ARHGEF26: variants seen among roughly 807,000 people sequenced by gnomAD.
ARHGEF26 encodes Rho guanine nucleotide exchange factor (GEF) 26.
ARHGEF26 carries 59 observed loss-of-function variants against 89.4 expected under a neutral mutation model. That is an observed-to-expected ratio of 0.66 (90% CI 0.54 to 0.82). The LOEUF is 0.82. Among genes scored for constraint, ARHGEF26 ranks in the 40% least tolerant of loss-of-function variants. The probability of loss-of-function intolerance (pLI) is 0.00; values close to 1 mark genes in which losing one functional copy is unlikely to be tolerated. For missense variants in ARHGEF26, 1,234 were observed against 1,085.6 expected (o/e 1.14, Z -1.92); for synonymous variants, 500 against 428.4 (o/e 1.17, Z -2.06).
chr3:154,241,233 G>GT (rs1330985875), intron 12 of ARHGEF26, among the ~76,000 whole-genome samples: 19 of 151,890 alleles, frequency 1.3e-4, no homozygotes, highest in Non-Finnish European at 8.8e-5. Context: ...ACTGACCAAT[G>GT]TTTTTGTTTA....
chr3:154,240,380 T>C lies in ARHGEF26; in HGVS notation c.2101T>C (p.Tyr701His). Reference protein sequence around the residue: ...IITKKKSEESYNVNDYSLRDQ... With the variant: ...IITKKKSEESHNVNDYSLRDQ... Reference sequence around the variant, plus strand: ...CCCTTTCCTTTACAGTGAAGAAAGTTACAACGTCAATGATTATTCCTTAAG... The same window carrying C: ...CCCTTTCCTTTACAGTGAAGAAAGTCACAACGTCAATGATTATTCCTTAAG... The change falls in exon 12 of 15, where the codon TAC (tyrosine) becomes CAC (histidine). Residue 701 changes from tyrosine (Y) to histidine (H), a missense_variant. Coordinates refer to ENST00000465093, the MANE Select transcript of ARHGEF26 (RefSeq NM_015595.4). 1 of 1,605,396 alleles carries C rather than the reference T, an allele frequency of 6.2e-7. No individual in the cohort carries two copies.
chr3:154,186,134 TAGAC>T (rs1252604256), intron 6 of ARHGEF26, among the ~76,000 whole-genome samples: 1 of 26,884 alleles, frequency 3.7e-5, no homozygotes, highest in Non-Finnish European at 7.0e-5. Context: ...TACACACACT[TAGAC>T]ACACACACAC....
At chr3:154,254,345 CAGG>C (rs1291621804) in intron 13 of ARHGEF26, among the ~76,000 whole-genome samples, 2 of 152,178 alleles carry the variant, frequency 1.3e-5, no homozygotes, top group Non-Finnish European at 2.9e-5. Context: ...TGATGAGAGC[CAGG>C]AGAACTGTGT....
intron 4 of ARHGEF26, among the ~76,000 whole-genome samples, chr3:154,146,528 A>T (rs114114208): frequency 0.022 from 3,324 of 152,322 alleles, 103 homozygotes; most frequent in African/African-American, 0.076. Flanking sequence ...TAGAAGAAAT[A>T]TCTTGTAGTG....
chr3:154,174,199 C>T (rs1157975725), intron 6 of ARHGEF26, among the ~76,000 whole-genome samples: 8 of 152,150 alleles, frequency 5.3e-5, no homozygotes, highest in East Asian at 1.9e-4. Context: ...GTGAGTACAG[C>T]GCCAGTCATT....
At chr3:154,187,178 C>T in intron 6 of ARHGEF26, 2 of 981,136 alleles carry the variant, frequency 2.0e-6, no homozygotes, top group South Asian at 9.4e-5. Context: ...ATGTGAGCCA[C>T]CACACCTCCT....
chr3:154,190,268 T>C (rs146981881), intron 7 of ARHGEF26, among the ~76,000 whole-genome samples: 1,719 of 152,198 alleles, frequency 0.011, 27 homozygotes, highest in African/African-American at 0.039. Flanking sequence ...TCCCACCACT[T>C]TGGGAGGCCG....
At position 154,149,423 on chromosome 3, in the gene ARHGEF26, A is replaced by G; in HGVS notation, c.1304A>G (p.Gln435Arg). 1.2e-6 allele frequency: 2 copies of G among 1,608,866 alleles called. No individual in the cohort carries two copies. The highest frequency in any genetic ancestry group is 1.7e-6 in the Non-Finnish European group (2 of 1,177,358). The change falls in exon 5 of 15, where the codon CAG becomes CGG. Residue 435 changes from glutamine to arginine, a missense_variant. Transcript: ENST00000465093. ...KRKGLSQTVS[Q>R]EERKRQEAIF... ...AAGGGATTATCTCAGACAGTAAGCC[A>G]GGAGGAAAGAAAGAGACAAGAGGTA...
intron 6 of ARHGEF26, chr3:154,187,213 T>C (rs915909010): frequency 2.0e-6 from 2 of 984,422 alleles, no homozygotes; most frequent in South Asian, 4.7e-5. Flanking sequence ...TTTTTAAGCA[T>C]TTATTTAGGT....
chr3:154,166,588 T>C (rs1712055686), intron 6 of ARHGEF26, among the ~76,000 whole-genome samples: 1 of 152,188 alleles, frequency 6.6e-6, no homozygotes, highest in African/African-American at 2.4e-5. Context: ...GTGTATGTAT[T>C]TGAGCAAGGC....
intron 13 of ARHGEF26, among the ~76,000 whole-genome samples, chr3:154,254,249 T>TTC (rs1718339594): frequency 6.6e-6 from 1 of 152,236 alleles, no homozygotes; most frequent in South Asian, 2.1e-4. Flanking sequence ...CTAACATGAC[T>TTC]TCTCAGCTTT....
chr3:154,157,425 G>A (rs1293972237), intron 6 of ARHGEF26, among the ~76,000 whole-genome samples: 2 of 152,142 alleles, frequency 1.3e-5, no homozygotes, highest in Non-Finnish European at 2.9e-5. Context: ...GCAGATGTTC[G>A]TGAAGGCCAT....
intron 5 of ARHGEF26, among the ~76,000 whole-genome samples, chr3:154,149,771 A>C (rs1355975362): frequency 6.6e-6 from 1 of 152,104 alleles, no homozygotes. Flanking sequence ...TTATGGAAAA[A>C]CTGATAGTCA....
intron 11 of ARHGEF26, among the ~76,000 whole-genome samples, chr3:154,236,622 T>C (rs905721270): frequency 6.6e-6 from 1 of 152,060 alleles, no homozygotes; most frequent in Non-Finnish European, 1.5e-5. Flanking sequence ...AGGAAGGGGG[T>C]TTCTTTCCCA....
chr3:154,187,852 A>T lies in ARHGEF26; in HGVS notation c.1640+15A>T. The T allele has an allele frequency of 1.9e-6, 3 of 1,601,948 alleles. No individual in the cohort carries two copies. Among genetic ancestry groups the T allele is most frequent in the Non-Finnish European group, 2.6e-6 (3 of 1,173,242 alleles). ...CAAAAATTGTTGTAAGCAATGTCGA[A>T]TGCTACAGTTTTAATCATCTAACCT... On this transcript the variant is annotated intron_variant, in intron 7 of 14. Transcript: ENST00000465093.
At chr3:154,206,206 A>G (rs1715010398) in intron 9 of ARHGEF26, among the ~76,000 whole-genome samples, 1 of 152,162 alleles carries the variant, frequency 6.6e-6, no homozygotes, top group African/African-American at 2.4e-5. Flanking sequence ...GAAATATGTC[A>G]TGCCCCTCTC....
intron 9 of ARHGEF26, among the ~76,000 whole-genome samples, chr3:154,207,451 A>G (rs1316153514): frequency 6.6e-6 from 1 of 152,220 alleles, no homozygotes; most frequent in African/African-American, 2.4e-5. Flanking sequence ...ACATGAACAG[A>G]CACTTCTCAA....
At chr3:154,176,200 A>T (rs1489534697) in intron 6 of ARHGEF26, among the ~76,000 whole-genome samples, 3 of 152,298 alleles carry the variant, frequency 2.0e-5, no homozygotes, top group Middle Eastern at 6.8e-3. Flanking sequence ...AATGACAAAT[A>T]GGCAGTTTCT....
chr3:154,178,057 A>T (rs568147725), intron 6 of ARHGEF26, among the ~76,000 whole-genome samples: 56 of 152,168 alleles, frequency 3.7e-4, no homozygotes, highest in African/African-American at 1.3e-3. Context: ...TACAAAAATT[A>T]GCCTGGCATG....
Sources: gnomAD v4.1 joint callset for allele counts (sites outside exome capture counted in the v4.1 genomes callset) on GRCh38, gnomAD v4.1.1 for gene constraint, MANE v1.5 for transcripts, NCBI Gene and HGNC (gene_info 2026-07-23, HGNC 2026-07-21) for gene names.